The following HERC4 variants were observed in gnomAD, a reference collection of about 807,000 sequenced individuals.
HERC4 encodes HECT and RLD domain containing E3 ubiquitin protein ligase 4.
Under a neutral mutation model 124.3 loss-of-function variants are expected in HERC4, and 28 were observed. The ratio of observed to expected loss-of-function variants is 0.23; its 90% CI spans 0.17 to 0.31. HERC4 has a LOEUF of 0.31. Among genes scored for constraint, HERC4 ranks in the 10% least tolerant of loss-of-function variants. HERC4 has a pLI of 1.00. For synonymous variants in HERC4, 407 were observed against 421.5 expected (o/e 0.97, Z 0.42); for missense variants, 713 against 1,229.3 (o/e 0.58, Z 6.28).
chr10:68,005,264 G>A (rs2037470676), intron 9 of HERC4, among the ~76,000 whole-genome samples: 1 of 152,062 alleles, frequency 6.6e-6, no homozygotes, highest in Non-Finnish European at 1.5e-5. Context: ...TCCTCTTGTT[G>A]TACTAATCCT....
intron 15 of HERC4, among the ~76,000 whole-genome samples, chr10:67,969,556 C>T (rs1184593595): frequency 6.6e-6 from 1 of 152,078 alleles, no homozygotes; most frequent in Non-Finnish European, 1.5e-5. Flanking sequence ...GAACAAAGGC[C>T]CGTCACCCTG....
intron 3 of HERC4, among the ~76,000 whole-genome samples, chr10:68,059,811 A>ATTATATATCATAATATTAT (rs2040867873): frequency 1.4e-5 from 1 of 72,462 alleles, no homozygotes; most frequent in East Asian, 9.0e-4. Context: ...TATATATTAT[A>ATTATATATCATAATATTAT]ATATTATATA....
intron 23 of HERC4, among the ~76,000 whole-genome samples, chr10:67,927,430 A>ATATAT (rs1564911511): frequency 1.1e-4 from 4 of 37,912 alleles, no homozygotes; most frequent in African/African-American, 1.7e-4. Context: ...ATATATATAT[A>ATATAT]TTTTTTTTTT....
chr10:67,971,323 A>G (rs2035219240), intron 15 of HERC4, among the ~76,000 whole-genome samples: 1 of 152,128 alleles, frequency 6.6e-6, no homozygotes, highest in South Asian at 2.1e-4. Flanking sequence ...AAAAGCTAAC[A>G]GCAATATGAG....
chr10:67,967,015 C>T (rs543830222), intron 15 of HERC4, among the ~76,000 whole-genome samples: 32 of 152,230 alleles, frequency 2.1e-4, no homozygotes, highest in African/African-American at 6.0e-4. Flanking sequence ...CCATCATGAC[C>T]GGCTAATTTT....
chr10:68,072,876 A>G lies in HERC4; in HGVS notation c.226+7T>C, dbSNP rs1053189690. The stretch of plus-strand genomic sequence containing the variant: ...AAATAGCAAATTTTAAAAACATTTC[A>G]ACTTACCTGGTTTCTTTCTGGATTT... On this transcript the variant is annotated splice_region_variant and intron_variant, in intron 3 of 24. Coordinates refer to ENST00000373700, the MANE Select transcript of HERC4 (RefSeq NM_015601.4). 3.3e-6 allele frequency: 5 copies of G among 1,537,356 alleles called. No homozygotes were observed. Among genetic ancestry groups the G allele is most frequent in the Non-Finnish European group, 3.5e-6 (4 of 1,142,206 alleles).
At chr10:67,967,370 G>C (rs2034951589) in intron 15 of HERC4, among the ~76,000 whole-genome samples, 1 of 152,064 alleles carries the variant, frequency 6.6e-6, no homozygotes, top group Non-Finnish European at 1.5e-5. Flanking sequence ...CACAGTATGA[G>C]ATATGTAATG....
At chr10:68,069,142 G>T in intron 3 of HERC4, 1 of 968,036 alleles carries the variant, frequency 1.0e-6, no homozygotes, top group Non-Finnish European at 1.2e-6. Flanking sequence ...TAGATACACA[G>T]TAAGAAAAGG....
chr10:67,961,623 C>T (rs2034527331), intron 16 of HERC4, among the ~76,000 whole-genome samples: 3 of 152,010 alleles, frequency 2.0e-5, no homozygotes, highest in South Asian at 2.1e-4. Flanking sequence ...TTTGGGGGAC[C>T]CTCCCCAAAC....
intron 15 of HERC4, among the ~76,000 whole-genome samples, chr10:67,986,240 C>A (rs1425942196): frequency 6.6e-6 from 1 of 152,206 alleles, no homozygotes; most frequent in Non-Finnish European, 1.5e-5. Flanking sequence ...CAAACAAGAA[C>A]CCAGTTTCCT....
At chr10:67,937,473 C>T (rs1460206077) in intron 21 of HERC4, among the ~76,000 whole-genome samples, 1 of 152,044 alleles carries the variant, frequency 6.6e-6, no homozygotes, top group Non-Finnish European at 1.5e-5. Flanking sequence ...AATTAAACAG[C>T]TTGAAACTTA....
intron 4 of HERC4, among the ~76,000 whole-genome samples, chr10:68,044,133 A>G (rs2039905542): frequency 6.6e-6 from 1 of 152,168 alleles, no homozygotes; most frequent in African/African-American, 2.4e-5. Context: ...AACCCACTAA[A>G]AAAATTTGTA....
At chr10:67,923,588 C>A (rs909608620) in intron 24 of HERC4, among the ~76,000 whole-genome samples, 21 of 151,682 alleles carry the variant, frequency 1.4e-4, no homozygotes, top group Non-Finnish European at 3.1e-4. Flanking sequence ...TGAGACGAGT[C>A]TTGCTCAGTT....
chr10:67,937,654 G>C (rs570917394), intron 21 of HERC4, among the ~76,000 whole-genome samples: 1 of 148,412 alleles, frequency 6.7e-6, no homozygotes, highest in African/African-American at 2.5e-5. Context: ...ATGCTTTTCT[G>C]TTGTTATCTG....
At chr10:67,992,770 T>C (rs1291807188) in intron 9 of HERC4, 88 bp from the exon 10 acceptor site, 28 of 677,220 alleles carry the variant, frequency 4.1e-5, no homozygotes, top group South Asian at 9.3e-5. Context: ...CACATAATCA[T>C]CTTATTTAAT....
At chr10:67,937,017 A>T (rs1211108400) in intron 21 of HERC4, among the ~76,000 whole-genome samples, 2 of 152,166 alleles carry the variant, frequency 1.3e-5, no homozygotes, top group African/African-American at 4.8e-5. Flanking sequence ...ATGCAAACAG[A>T]ATTCTAAACT....
In HERC4 at chr10:68,059,615, CATA is replaced by C. The variant is rs796407005; in HGVS notation, c.226+13265_226+13267del. On this transcript the variant is annotated intron_variant, in intron 3 of 24. Transcript: ENST00000373700. Reference sequence around the variant, plus strand: ...TATTATATATCATAATATTATATATCATAATATTATATATCATAATATTATATA... The same window carrying C: ...TATTATATATCATAATATTATATATCATATTATATATCATAATATTATATA... 6.0e-3 allele frequency among the ~76,000 whole-genome samples: 380 copies of C among 63,632 alleles called. 52 individuals are homozygous for C. Among genetic ancestry groups the C allele is most frequent in the Admixed American group, 7.3e-3 (26 of 3,564 alleles). 41.7% of individuals were successfully genotyped at this position (63,632 alleles called of 152,430 possible).
chr10:68,059,751 AATATTATATATCATAATATTATATATT>A (rs2040851160), intron 3 of HERC4, among the ~76,000 whole-genome samples: 1 of 84,118 alleles, frequency 1.2e-5, no homozygotes, highest in Non-Finnish European at 1.9e-5. Context: ...TATATATTAT[AATATTATATATCATAATATTATATATT>A]ATAATATTAT....
intron 7 of HERC4, among the ~76,000 whole-genome samples, chr10:68,030,422 C>A (rs1220723497): frequency 6.6e-6 from 1 of 152,168 alleles, no homozygotes; most frequent in African/African-American, 2.4e-5. Context: ...GCCTGGGTGA[C>A]AGAGTGAGAC....
Sources: allele counts gnomAD v4.1 joint callset (sites outside exome capture counted in the v4.1 genomes callset), GRCh38; gene constraint gnomAD v4.1.1; transcripts MANE v1.5; gene names NCBI Gene and HGNC (gene_info 2026-07-23, HGNC 2026-07-21).